The following FRMD8 variants were observed in gnomAD, a reference collection of about 807,000 sequenced individuals.
FRMD8 encodes FERM domain containing 8, also known as FERM domain-containing protein 8.
In FRMD8, 37 loss-of-function variants were observed where a neutral mutation model predicts 54.2. The ratio of observed to expected loss-of-function variants is 0.68; its 90% confidence interval spans 0.53 to 0.90. The LOEUF (loss-of-function observed/expected upper bound fraction) is 0.90, where lower values mean the gene tolerates loss of function less well. Among genes scored for constraint, FRMD8 ranks in the 40% least tolerant of loss-of-function variants. The pLI, the probability that FRMD8 is intolerant of heterozygous loss-of-function variation, is 0.00. For missense variants in FRMD8, 585 were observed against 653.7 expected, an observed-to-expected ratio of 0.89 and a Z score of 1.15; for synonymous variants, 246 against 286.9, an observed-to-expected ratio of 0.86 and a Z score of 1.44.
At chr11:65,394,474 T>A in intron 6 of FRMD8, 49 bp downstream of exon 6, 1 of 1,530,250 alleles carries the variant, frequency 6.5e-7, no homozygotes, top group Non-Finnish European at 8.8e-7. Context: ...GGGGAGTTTG[T>A]CCTTGGAATG....
the FRMD8 span, among the ~76,000 whole-genome samples, chr11:65,369,904 T>C: frequency 2.0e-5 from 3 of 150,604 alleles, no homozygotes; most frequent in African/African-American, 7.3e-5. Flanking sequence ...TGGTGGCACA[T>C]ATCTGTAATC....
chr11:65,372,350 A>G, the FRMD8 span, among the ~76,000 whole-genome samples: 16 of 152,028 alleles, frequency 1.1e-4, no homozygotes, highest in East Asian at 2.9e-3. Flanking sequence ...ACCATACTAA[A>G]CCCTAAACTC....
intron 3 of FRMD8, among the ~76,000 whole-genome samples, chr11:65,392,987 G>A (rs1855873334): frequency 6.6e-6 from 1 of 152,216 alleles, no homozygotes. Flanking sequence ...AGGCCAAGGT[G>A]GCAGGAGCAG....
chr11:65,372,468 G>A, the FRMD8 span, among the ~76,000 whole-genome samples: 1 of 152,098 alleles, frequency 6.6e-6, no homozygotes, highest in African/African-American at 2.4e-5. Context: ...CACTCTCTCT[G>A]GCTGTAAAGG....
chr11:65,391,976 G>A (rs1855854973), intron 3 of FRMD8, among the ~76,000 whole-genome samples: 1 of 152,232 alleles, frequency 6.6e-6, no homozygotes, highest in South Asian at 2.1e-4. Flanking sequence ...AGCCCTTTGA[G>A]TTCCCAGACA....
At chr11:65,397,904 A>G (rs1435013824) in intron 7 of FRMD8, among the ~76,000 whole-genome samples, 2 of 131,314 alleles carry the variant, frequency 1.5e-5, no homozygotes, top group African/African-American at 5.8e-5. Context: ...GAGATGGAGT[A>G]TCGCTCTTGT....
chr11:65,397,346 C>T (rs1488176103), intron 7 of FRMD8, among the ~76,000 whole-genome samples: 4 of 152,234 alleles, frequency 2.6e-5, no homozygotes, highest in East Asian at 1.9e-4. Context: ...ACCTACTGCA[C>T]GCACGCTCCC....
At chr11:65,403,511 G>A (rs900248149) in intron 9 of FRMD8, among the ~76,000 whole-genome samples, 3 of 152,220 alleles carry the variant, frequency 2.0e-5, no homozygotes, top group African/African-American at 7.2e-5. Context: ...GTGGACAGTC[G>A]TGTGGTCTGT....
rs777048604 is a variant in FRMD8 at position 65,399,744 on chromosome 11, T to C, written c.812T>C (p.Phe271Ser). The C allele has an allele frequency of 3.1e-6, 5 of 1,613,928 alleles. No homozygotes were observed. In the South Asian group the frequency reaches 4.4e-5, roughly 14 times the overall value. The part of the protein sequence containing the change: ...CHELPFYGCA[F>S]FHGEVDKPAQ... ...CCCAGTCCCCTCCCCAGGTGTGCCTTCTTCCACGGTGAGGTTGACAAGCCG... is the reference window on the plus strand; with the variant it reads ...CCCAGTCCCCTCCCCAGGTGTGCCTCCTTCCACGGTGAGGTTGACAAGCCG... Residue 271 changes from phenylalanine to serine, a missense_variant, in exon 8 of 11, where the codon TTC (phenylalanine) becomes TCC (serine). Transcript: ENST00000317568.
At position 65,400,579 on chromosome 11, in the gene FRMD8, G is replaced by C. The variant is rs1485749240; in HGVS notation, c.928-145G>C. On this transcript the variant is annotated intron_variant, in intron 8 of 10. Coordinates refer to ENST00000317568, the MANE Select transcript of FRMD8 (RefSeq NM_031904.5). This position sits in a 1 kb window ranked among gnomAD's most constrained non-coding sequence, Gnocchi z 4.3. ...CCTGGCAGGCTCTGATGAAAGCTGA[G>C]GCTCTCTCCTTACAGAAACACATGA... 5.0e-6 allele frequency: 4 copies of C among 799,024 alleles called. No homozygotes were observed. Among genetic ancestry groups the C allele is most frequent in the Non-Finnish European group, 7.4e-6 (4 of 543,664 alleles). 49.5% of individuals were successfully genotyped at this position (799,024 alleles called of 1,614,324 possible).
At chr11:65,385,230 T>G (rs755038726), upstream of FRMD8, among the ~76,000 whole-genome samples, 6 of 152,154 alleles carry the variant, frequency 3.9e-5, no homozygotes, top group Non-Finnish European at 7.3e-5. Context: ...GTCCCAGAGC[T>G]GAGAACCAGG....
rs1856341587 is a variant in FRMD8 at position 65,411,871 on chromosome 11, C to T, written c.*511C>T. 6.5e-6 allele frequency: 1 copy of T among 153,110 alleles called. No homozygotes were observed. Among genetic ancestry groups the T allele is most frequent in the East Asian group, 1.9e-4 (1 of 5,192 alleles). 9.5% of individuals were successfully genotyped at this position (153,110 alleles called of 1,614,324 possible). A position where few individuals can be genotyped will look rare whatever the true frequency, so the allele number is the denominator to read the frequency against. The stretch of plus-strand genomic sequence containing the variant: ...ACTTGGATGACCAGTTTCCCACCTT[C>T]CTCCTGCTGGTGCTCCATCCCCCAA... On this transcript the variant is annotated 3_prime_UTR_variant, in exon 11 of 11. Coordinates refer to ENST00000317568, the MANE Select transcript of FRMD8 (RefSeq NM_031904.5).
chr11:65,403,303 C>T (rs1190579107), intron 9 of FRMD8, among the ~76,000 whole-genome samples: 6 of 152,234 alleles, frequency 3.9e-5, no homozygotes, highest in Non-Finnish European at 7.3e-5. Context: ...TCACCTCAGC[C>T]TCCTGAGTAG....
the FRMD8 span, chr11:65,380,149 G>T: frequency 1.2e-6 from 2 of 1,614,192 alleles, no homozygotes; most frequent in Non-Finnish European, 1.7e-6. Flanking sequence ...GTGTCAAACG[G>T]GTGTCCCAGG....
the FRMD8 span, chr11:65,379,537 T>C: frequency 8.5e-5 from 137 of 1,611,254 alleles, no homozygotes; most frequent in Non-Finnish European, 1.1e-4. Context: ...ATGGGGAAGC[T>C]CATTCCCTTG....
upstream of FRMD8, among the ~76,000 whole-genome samples, chr11:65,384,732 A>T (rs1855703664): frequency 6.6e-6 from 1 of 152,086 alleles, no homozygotes; most frequent in African/African-American, 2.4e-5. Flanking sequence ...TTGGAGACAG[A>T]GTCTCACTGT....
chr11:65,379,332 C>A, the FRMD8 span: 2 of 1,595,558 alleles, frequency 1.3e-6, no homozygotes, highest in Non-Finnish European at 8.5e-7. Context: ...ATCGAGATGA[C>A]CATCCCTATG....
Position 65,407,901 on chromosome 11 carries a change from G to C in FRMD8, c.1276+2833G>C, listed in dbSNP as rs1369395306. ...TCTGTCTCAAAAAAAAAAAAAAAAG[G>C]AAATGAGTAACAGGACAGCATGTGT... On this transcript the variant is annotated intron_variant, in intron 10 of 10. Coordinates refer to ENST00000317568, the MANE Select transcript of FRMD8 (RefSeq NM_031904.5). Among the ~76,000 whole-genome samples the C allele has an allele frequency of 1.7e-4, 25 of 149,350 alleles. No homozygotes were observed. The East Asian group carries it at 5.0e-3, about 30-fold the overall frequency.
At chr11:65,378,378 T>C in the FRMD8 span, 1 of 152,240 alleles carries the variant, frequency 6.6e-6, no homozygotes, top group Non-Finnish European at 1.5e-5. Flanking sequence ...GGTTTCACTG[T>C]AAACCCAGGC....
Sources: gnomAD v4.1 joint callset for allele counts (sites outside exome capture counted in the v4.1 genomes callset) on GRCh38, gnomAD v4.1.1 for gene constraint, Gnocchi (gnomAD v3.1) non-coding constraint, MANE v1.5 for transcripts, NCBI Gene and HGNC (gene_info 2026-07-23, HGNC 2026-07-21) for gene names.